NAE1: variants seen among roughly 807,000 people sequenced by gnomAD.
NAE1 encodes NEDD8 activating enzyme E1 subunit 1, also known as NEDD8-activating enzyme E1 regulatory subunit.
NAE1 carries 59 observed loss-of-function variants against 88.0 expected under a neutral mutation model. The observed-to-expected ratio is 0.67, with a 90% CI of 0.54 to 0.83. The LOEUF is 0.83. Ranked by LOEUF, NAE1 falls within the 40% of genes least tolerant of loss-of-function variation. The pLI is 0.00. For synonymous variants in NAE1, 186 were observed against 208.9 expected, an observed-to-expected ratio of 0.89 and a Z score of 0.95; for missense variants, 554 against 632.8, an observed-to-expected ratio of 0.88 and a Z score of 1.34.
chr16:66,829,259 C>G (rs1960596962), intron 1 of NAE1, among the ~76,000 whole-genome samples: 1 of 152,200 alleles, frequency 6.6e-6, no homozygotes, highest in African/African-American at 2.4e-5. Flanking sequence ...ACTATCTTCT[C>G]AGCTCTGTCA....
At chr16:66,824,833 A>G in intron 4 of NAE1, 22 bp downstream of exon 4, 1 of 1,601,636 alleles carries the variant, frequency 6.2e-7, no homozygotes, top group Non-Finnish European at 8.5e-7. Flanking sequence ...CTCACATCCA[A>G]CTATATTCTC....
Position 66,802,985 on chromosome 16 carries a change from CACT to C in NAE1, c.*21_*23del, listed in dbSNP as rs778751255. On this transcript the variant is annotated 3_prime_UTR_variant, in exon 20 of 20. Coordinates refer to ENST00000290810, the MANE Select transcript of NAE1 (RefSeq NM_003905.4). ...GCAATTACAGTTTCAATCATTAACA[CACT>C]ACTTAAGGTGCTTGCTTACTCTACA... 2.1e-6 allele frequency: 3 copies of C among 1,409,636 alleles called. No individual in the cohort carries two copies. The highest frequency in any genetic ancestry group is 3.0e-6 in the Non-Finnish European group (3 of 994,408). The allele number at this position is 1,409,636 out of a possible 1,614,324, so 87.3% of individuals were successfully genotyped here. A position where few individuals can be genotyped will look rare whatever the true frequency, so the allele number is the denominator to read the frequency against.
intron 1 of NAE1, chr16:66,828,079 T>A: frequency 6.2e-7 from 1 of 1,610,188 alleles, no homozygotes; most frequent in Admixed American, 1.7e-5. Context: ...AGGAATCGCC[T>A]AGAAGAACCA....
chr16:66,811,319 GACT>G, intron 13 of NAE1, among the ~76,000 whole-genome samples: 1 of 151,976 alleles, frequency 6.6e-6, no homozygotes, highest in East Asian at 1.9e-4. Context: ...TACCATGCCC[GACT>G]AATTTTTGTC....
In NAE1 at chr16:66,813,732, GTTTTAC is replaced by G. The variant is rs199546004; in HGVS notation, c.901-41_901-36del. 5,961 of 1,610,804 alleles carry G rather than the reference GTTTTAC, an allele frequency of 3.7e-3. 195 individuals are homozygous for G. The Admixed American group carries it at 0.056, about 15-fold the overall frequency. Reference sequence around the variant, plus strand: ...TAAGAAAAAATTAACATTAAGTGGCGTTTTACTTTGACCCAAAGTTTTAGCAGCAAT... The same window carrying G: ...TAAGAAAAAATTAACATTAAGTGGCGTTTGACCCAAAGTTTTAGCAGCAAT... On this transcript the variant is annotated intron_variant, in intron 12 of 19. Transcript: ENST00000290810.
At position 66,802,906 on chromosome 16, in the gene NAE1, A is replaced by C; in HGVS notation, c.*103T>G. 1.4e-6 allele frequency: 1 copy of C among 725,142 alleles called. No individual in the cohort carries two copies. The highest frequency in any genetic ancestry group is 2.7e-5 in the Admixed American group (1 of 37,318). The allele number at this position is 725,142 out of a possible 1,614,324, so 44.9% of individuals were successfully genotyped here. Reference sequence around the variant, plus strand: ...CAAATGAGAAAAATGTTTATTAAGAAAACAATTTAGCAGCTCTCCTTTAGA... The same window carrying C: ...CAAATGAGAAAAATGTTTATTAAGACAACAATTTAGCAGCTCTCCTTTAGA... On this transcript the variant is annotated 3_prime_UTR_variant, in exon 20 of 20. Transcript: ENST00000290810.
chr16:66,817,329 GA>G (rs779985761), intron 9 of NAE1, 95 bp downstream of exon 9: 20 of 1,071,430 alleles, frequency 1.9e-5, no homozygotes, highest in South Asian at 4.1e-5. Context: ...ACTCCATAAG[GA>G]AAAAAAATTA....
intron 11 of NAE1, 44 bp downstream of exon 11, chr16:66,816,537 A>ACTT: frequency 7.4e-7 from 1 of 1,360,112 alleles, no homozygotes; most frequent in South Asian, 1.2e-5. Context: ...AGGACTCTAG[A>ACTT]AAACATCTTG....
intron 17 of NAE1, among the ~76,000 whole-genome samples, chr16:66,807,422 T>C (rs1278905335): frequency 6.6e-6 from 1 of 152,120 alleles, no homozygotes; most frequent in East Asian, 1.9e-4. Flanking sequence ...GGAGGATCAC[T>C]TGAGGTCAGG....
At chr16:66,808,704 G>T in intron 16 of NAE1, 91 bp from the exon 17 acceptor site, 1 of 947,086 alleles carries the variant, frequency 1.1e-6, no homozygotes, top group Non-Finnish European at 1.7e-6. Context: ...TGAGTTTCAG[G>T]ACTATTAACT....
chr16:66,813,801 T>A lies in NAE1; in HGVS notation c.886A>T (p.Asn296Tyr). The A allele has an allele frequency of 1.2e-6, 2 of 1,613,900 alleles. No homozygotes were observed. The highest frequency in any genetic ancestry group is 1.7e-6 in the Non-Finnish European group (2 of 1,179,890). ...EDIFNDDRCINITKQTPSFWI... is the reference protein window; with the variant it reads ...EDIFNDDRCIYITKQTPSFWI... ...GTTGTTGTTACCTGTTTGGTGATAT[T>A]TATGCAGCGATCATCATTAAATATA... The change falls in exon 12 of 20, where the codon AAT becomes TAT. Residue 296 changes from asparagine (N) to tyrosine (Y), a missense_variant. Transcript: ENST00000290810.
At chr16:66,813,036 G>T (rs1959882244) in intron 13 of NAE1, 1 of 152,472 alleles carries the variant, frequency 6.6e-6, no homozygotes, top group African/African-American at 2.4e-5. Flanking sequence ...TGTTAGTCAG[G>T]ATGGTCTCAA....
At chr16:66,826,627 T>A (rs749040074) in intron 2 of NAE1, 44 bp from the exon 3 acceptor site, 23 of 1,613,646 alleles carry the variant, frequency 1.4e-5, no homozygotes, top group Non-Finnish European at 1.9e-5. Context: ...TAGTTCTAGG[T>A]CATAAACTTA....
intron 13 of NAE1, among the ~76,000 whole-genome samples, chr16:66,811,464 T>C (rs554504157): frequency 3.3e-5 from 5 of 152,192 alleles, no homozygotes; most frequent in Non-Finnish European, 4.4e-5. Context: ...CTTTTTAGCA[T>C]TGCCATAGAT....
rs550324630 is a variant in NAE1 at position 66,809,087 on chromosome 16, A to T, written c.1151-12T>A. 1.3e-5 allele frequency: 21 copies of T among 1,596,940 alleles called. No individual in the cohort carries two copies. The highest frequency in any genetic ancestry group is 1.7e-5 in the Non-Finnish European group (20 of 1,167,800). The stretch of plus-strand genomic sequence containing the variant: ...TGCAGAATTGCTGCCTGAACAGAGG[A>T]AAGATATTCTGGAAGTAATGACTGT... On this transcript the variant is annotated splice_polypyrimidine_tract_variant and intron_variant, in intron 15 of 19. Transcript: ENST00000290810.
intron 17 of NAE1, among the ~76,000 whole-genome samples, chr16:66,807,651 A>AC (rs1959622988): frequency 6.6e-6 from 1 of 151,948 alleles, no homozygotes; most frequent in Non-Finnish European, 1.5e-5. Flanking sequence ...AAAGAAAAAA[A>AC]AAAAAGACTA....
intron 6 of NAE1, among the ~76,000 whole-genome samples, chr16:66,822,676 T>TTA (rs1303490704): frequency 6.8e-4 from 99 of 145,768 alleles, no homozygotes; most frequent in African/African-American, 2.4e-3. Context: ...ATTTATTTAT[T>TTA]TTTTTTTTTT....
At chr16:66,804,080 G>A (rs1420646031) in intron 19 of NAE1, among the ~76,000 whole-genome samples, 2 of 152,176 alleles carry the variant, frequency 1.3e-5, no homozygotes, top group South Asian at 2.1e-4. Flanking sequence ...AGGAGAAAAA[G>A]CAAATAAGGG....
intron 6 of NAE1, 34 bp downstream of exon 6, chr16:66,823,193 A>T: frequency 7.5e-7 from 1 of 1,333,736 alleles, no homozygotes; most frequent in East Asian, 2.4e-5. Flanking sequence ...ATCTAATAAG[A>T]TTAAAATAAA....
Sources: allele counts gnomAD v4.1 joint callset (sites outside exome capture counted in the v4.1 genomes callset), GRCh38; gene constraint gnomAD v4.1.1; transcripts MANE v1.5; gene names NCBI Gene and HGNC (gene_info 2026-07-23, HGNC 2026-07-21).